DENND2A: variants seen among roughly 807,000 people sequenced by gnomAD.
DENND2A encodes the protein DENN domain-containing protein 2A.
A neutral mutation model predicts 105.3 loss-of-function variants in DENND2A; 53 were observed. That is an observed-to-expected ratio of 0.50 (90% CI 0.40 to 0.63). The LOEUF (loss-of-function observed/expected upper bound fraction) is 0.63. Among genes scored for constraint, DENND2A ranks in the 30% least tolerant of loss-of-function variants. The probability of loss-of-function intolerance (pLI) is 0.00; values close to 1 mark genes in which losing one functional copy is unlikely to be tolerated. For synonymous variants in DENND2A, 522 were observed against 508.4 expected, an observed-to-expected ratio of 1.03 and a Z score of -0.36; for missense variants, 1,138 against 1,279.6, an observed-to-expected ratio of 0.89 and a Z score of 1.69.
intron 11 of DENND2A, among the ~76,000 whole-genome samples, chr7:140,557,625 C>T (rs1242472034): frequency 3.0e-5 from 4 of 134,788 alleles, no homozygotes; most frequent in East Asian, 2.4e-4. Context: ...CTGCAAGCTC[C>T]GCCTCCCGGG....
Position 140,527,360 on chromosome 7 carries a change from G to A in DENND2A, c.2463C>T (p.Leu821=), listed in dbSNP as rs1462601819. The A allele has an allele frequency of 6.2e-7, 1 of 1,602,102 alleles. No homozygotes were observed. The highest frequency in any genetic ancestry group is 1.3e-5 in the African/African-American group (1 of 74,836). The change falls in exon 15 of 20, where the codon CTC becomes CTT. Residue 821 remains leucine (L), a synonymous_variant. Coordinates refer to ENST00000496613, the MANE Select transcript of DENND2A (RefSeq NM_015689.5). This position sits in a 1 kb window ranked among gnomAD's most constrained non-coding sequence, Gnocchi z 4.9. ...CSPTPFLIGL[L]SSSLPLLREL... ...CCCTGAGCAGTGGCAGCGAGCTGGAGAGCAGCCCGATGAGGAAGGGCGTCG... is the reference window on the plus strand; with the variant it reads ...CCCTGAGCAGTGGCAGCGAGCTGGAAAGCAGCCCGATGAGGAAGGGCGTCG...
Position 140,628,666 on chromosome 7 carries a change from AG to A in DENND2A, c.-248+11837del, listed in dbSNP as rs531731585. On this transcript the variant is annotated intron_variant, in intron 1 of 19. Transcript: ENST00000496613. Reference sequence around the variant, plus strand: ...GGCATTCTCCTGCCTCAGCCTCCCTAGTAGCTGGAACTACAGGCATGCGCCA... The same window carrying A: ...GGCATTCTCCTGCCTCAGCCTCCCTATAGCTGGAACTACAGGCATGCGCCA... Among the ~76,000 whole-genome samples the A allele has an allele frequency of 2.8e-3, 412 of 147,986 alleles. 2 individuals carry two copies. The highest frequency in any genetic ancestry group is 5.2e-3 in the Admixed American group (75 of 14,356).
Position 140,585,775 on chromosome 7 carries a change from T to C in DENND2A, c.1124-65A>G, listed in dbSNP as rs942879180. 17 of 1,609,228 alleles carry C rather than the reference T, an allele frequency of 1.1e-5. No individual in the cohort carries two copies. In the African/African-American group the frequency reaches 2.1e-4, roughly 20 times the overall value. On this transcript the variant is annotated intron_variant, in intron 4 of 19. Transcript: ENST00000496613. The stretch of plus-strand genomic sequence containing the variant: ...GAGGACATTTCCCTTTTCAAAACAC[T>C]GAGGTCAGTATCTTGGCCTCTCCTG...
Position 140,602,458 on chromosome 7 carries a change from C to A in DENND2A, c.-61G>T. The A allele has an allele frequency of 1.3e-6, 2 of 1,485,856 alleles. No individual in the cohort carries two copies. The allele number at this position is 1,485,856 out of a possible 1,614,324, so 92.0% of individuals were successfully genotyped here. A position where few individuals can be genotyped will look rare whatever the true frequency, so the allele number is the denominator to read the frequency against. On this transcript the variant is annotated 5_prime_UTR_variant, in exon 3 of 20. In the 5' UTR this introduces an upstream ATG that the reference lacks. Transcript: ENST00000496613. ...GGGGACTCCTTCTGAAGCCTGACTCCTGATCAGTCTCTAGGAATGGAATGG... is the reference window on the plus strand; with the variant it reads ...GGGGACTCCTTCTGAAGCCTGACTCATGATCAGTCTCTAGGAATGGAATGG...
chr7:140,560,620 C>T (rs1298106184), intron 9 of DENND2A, among the ~76,000 whole-genome samples: 1 of 151,538 alleles, frequency 6.6e-6, no homozygotes, highest in Non-Finnish European at 1.5e-5. Context: ...AGCAAGGTCC[C>T]ACCTCTATGG....
chr7:140,574,363 C>A (rs991472671), intron 5 of DENND2A, among the ~76,000 whole-genome samples: 30 of 152,102 alleles, frequency 2.0e-4, no homozygotes, highest in African/African-American at 7.2e-4. Context: ...GGACTGCAAG[C>A]ACACACTGCC....
intron 3 of DENND2A, among the ~76,000 whole-genome samples, chr7:140,597,482 T>C (rs1366586120): frequency 6.6e-6 from 1 of 152,186 alleles, no homozygotes; most frequent in African/African-American, 2.4e-5. Context: ...TCACCTCCAT[T>C]GTACTATTTT....
At chr7:140,581,987 C>A in intron 5 of DENND2A, among the ~76,000 whole-genome samples, 1 of 146,624 alleles carries the variant, frequency 6.8e-6, no homozygotes, top group African/African-American at 2.6e-5. Flanking sequence ...TTTTTTGAGA[C>A]AGAGTTTCAC....
chr7:140,609,315 C>G (rs1012727841), intron 1 of DENND2A, among the ~76,000 whole-genome samples: 2 of 152,186 alleles, frequency 1.3e-5, no homozygotes, highest in Non-Finnish European at 2.9e-5. Flanking sequence ...GAGTTTGAGA[C>G]CAGCCTGGCC....
At chr7:140,556,839 G>T (rs1345341777) in intron 11 of DENND2A, among the ~76,000 whole-genome samples, 1 of 152,130 alleles carries the variant, frequency 6.6e-6, no homozygotes, top group Non-Finnish European at 1.5e-5. Flanking sequence ...AGTGGAAAAA[G>T]ATTCACCATT....
rs370516056 is a variant in DENND2A, at chr7:140,593,899, CTT to C, written c.996-6121_996-6120del. Among the ~76,000 whole-genome samples, 53 of 144,212 alleles carry C rather than the reference CTT, an allele frequency of 3.7e-4. 1 individual carries two copies. The highest frequency in any genetic ancestry group is 1.2e-3 in the African/African-American group (49 of 39,476). 94.6% of individuals were successfully genotyped at this position (144,212 alleles called of 152,430 possible). A position where few individuals can be genotyped will look rare whatever the true frequency, so the allele number is the denominator to read the frequency against. On this transcript the variant is annotated intron_variant, in intron 3 of 19. Transcript: ENST00000496613. ...AGGATGGTCTCTTAAACAAGCAAAT[CTT>C]TTTTTTTTTTTTCTTTTTTCTGAGA...
chr7:140,557,051 GAA>G (rs554899990), intron 11 of DENND2A, among the ~76,000 whole-genome samples: 1 of 146,380 alleles, frequency 6.8e-6, no homozygotes, highest in African/African-American at 2.5e-5. Context: ...TGTTTTATTA[GAA>G]AAAAAAAAAT....
Position 140,567,216 on chromosome 7 carries a change from G to A in DENND2A, c.1649C>T (p.Pro550Leu), listed in dbSNP as rs764104594. ...CTCGATGAGTTCCCGGGCAAGTGAT[G>A]GGTACCGAGGCGCCTGCTTCAGCCG... ...KSRLKQAPRY[P>L]SLARELIEYQ... is the part of the protein sequence containing the mutation. The change falls in exon 9 of 20, where the codon CCA becomes CTA. Residue 550 changes from proline (P) to leucine (L), a missense_variant. Pro to Leu is a moderately conservative substitution (Grantham distance 98). Transcript: ENST00000496613. 25 of 1,613,460 alleles carry A rather than the reference G, an allele frequency of 1.5e-5. No individual in the cohort carries two copies. Among genetic ancestry groups the A allele is most frequent in the Non-Finnish European group, 2.0e-5 (24 of 1,179,908 alleles).
In DENND2A at chr7:140,574,484, G is replaced by A. The variant is rs562869428; in HGVS notation, c.1246-476C>T. ...TCCGCCTGCCTCAGCCTCCCAAAGT[G>A]CTAGGATTACAGGCATGAGCCACCA... On this transcript the variant is annotated intron_variant, in intron 5 of 19. Transcript: ENST00000496613. Among the ~76,000 whole-genome samples the A allele has an allele frequency of 5.3e-5, 8 of 152,116 alleles. No individual in the cohort carries two copies. In the South Asian group the frequency reaches 8.3e-4, roughly 16 times the overall value.
At chr7:140,531,232 T>A (rs1228553185) in intron 14 of DENND2A, among the ~76,000 whole-genome samples, 2 of 152,218 alleles carry the variant, frequency 1.3e-5, no homozygotes, top group Non-Finnish European at 2.9e-5. Flanking sequence ...ATTTTTTTAT[T>A]TTAGGACTAA....
intron 1 of DENND2A, among the ~76,000 whole-genome samples, chr7:140,629,215 G>A (rs527580453): frequency 4.8e-4 from 73 of 152,172 alleles, no homozygotes; most frequent in Non-Finnish European, 8.5e-4. Context: ...GTGCAGGAGC[G>A]CCATTAGAGA....
In DENND2A at chr7:140,601,624, G is replaced by C. The variant is rs756037054; in HGVS notation, c.774C>G (p.Pro258=). 12 of 1,613,298 alleles carry C rather than the reference G, an allele frequency of 7.4e-6. No homozygotes were observed. In the Admixed American group the frequency reaches 1.3e-4, roughly 18 times the overall value. The change falls in exon 3 of 20, where the codon CCC becomes CCG. Residue 258 remains proline, a synonymous_variant. Coordinates refer to ENST00000496613, the MANE Select transcript of DENND2A (RefSeq NM_015689.5). ...ENVYRGSEGS[P]TKPFINPLPK... ...GCAGAGGGTTGATGAAGGGCTTTGT[G>C]GGGGAACCCTCCGAGCCCCTATACA...
At chr7:140,625,828 T>C (rs898239357) in intron 1 of DENND2A, among the ~76,000 whole-genome samples, 5 of 152,182 alleles carry the variant, frequency 3.3e-5, no homozygotes, top group African/African-American at 1.2e-4. Context: ...TTGTGTTACG[T>C]CTTGTATGGT....
chr7:140,568,648 C>A, intron 8 of DENND2A, 115 bp downstream of exon 8: 1 of 1,095,264 alleles, frequency 9.1e-7, no homozygotes, highest in Admixed American at 1.8e-5. Context: ...GATGTCCACG[C>A]CTTGCCAAGC....
Sources: gnomAD v4.1 joint callset for allele counts (sites outside exome capture counted in the v4.1 genomes callset) on GRCh38, gnomAD v4.1.1 for gene constraint, Gnocchi (gnomAD v3.1) non-coding constraint, MANE v1.5 for transcripts, NCBI Gene and HGNC (gene_info 2026-07-23, HGNC 2026-07-21) for gene names.